PLA2G4D: variants seen among roughly 807,000 people sequenced by gnomAD.
PLA2G4D encodes the protein cytosolic phospholipase A2 delta.
PLA2G4D carries 80 observed loss-of-function variants against 94.4 expected under a neutral mutation model. That is an observed-to-expected ratio of 0.85 (90% CI 0.71 to 1.02). PLA2G4D has a LOEUF of 1.02. PLA2G4D is among the 50% of genes least tolerant of loss of function. The pLI is 0.00. For synonymous variants in PLA2G4D, 438 were observed against 440.9 expected (o/e 0.99, Z 0.08); for missense variants, 1,050 against 1,034.7 (o/e 1.01, Z -0.20).
In PLA2G4D at chr15:42,085,543, G is replaced by A; in HGVS notation, c.388-12C>T. Reference sequence around the variant, plus strand: ...AGCTCCTCCTCTCCCTGAAATCAGAGAGCATGAGCAAGTCATCAGCACATA... The same window carrying A: ...AGCTCCTCCTCTCCCTGAAATCAGAAAGCATGAGCAAGTCATCAGCACATA... On this transcript the variant is annotated splice_polypyrimidine_tract_variant and intron_variant, in intron 4 of 19. Coordinates refer to ENST00000290472, the MANE Select transcript of PLA2G4D (RefSeq NM_178034.4). 6.2e-7 allele frequency: 1 copy of A among 1,613,060 alleles called. No individual in the cohort carries two copies. Among genetic ancestry groups the A allele is most frequent in the Non-Finnish European group, 8.5e-7 (1 of 1,179,030 alleles).
intron 8 of PLA2G4D, among the ~76,000 whole-genome samples, chr15:42,082,779 G>C (rs973113489): frequency 6.6e-6 from 1 of 152,136 alleles, no homozygotes; most frequent in African/African-American, 2.4e-5. Flanking sequence ...GGAGGAGGAG[G>C]CAGCCTTGGA....
rs777490635 is a variant in PLA2G4D, at chr15:42,082,323, A to G, written c.739T>C (p.Leu247=). The G allele has an allele frequency of 3.1e-6, 5 of 1,614,142 alleles. No individual in the cohort carries two copies. Among genetic ancestry groups the G allele is most frequent in the African/African-American group, 1.3e-5 (1 of 75,060 alleles). ...ATAGTCACCTCCTTCCCAATGGTCA[A>G]GGGCCTCAGGGGCACAGTGAGGTAC... ...AGYLTVPLRP[L]TIGKEVTMDV... The change falls in exon 9 of 20, where the codon TTG becomes CTG. Residue 247 remains leucine (L), a synonymous_variant. Coordinates refer to ENST00000290472, the MANE Select transcript of PLA2G4D (RefSeq NM_178034.4).
rs751084346 is a variant in PLA2G4D, at chr15:42,079,584, AG to A, written c.1269del (p.Phe424LeufsTer7). 3.7e-6 allele frequency: 6 copies of A among 1,607,976 alleles called. No homozygotes were observed. Among genetic ancestry groups the A allele is most frequent in the Non-Finnish European group, 5.1e-6 (6 of 1,178,464 alleles). On this transcript the variant is annotated frameshift_variant, in exon 13 of 20. Transcript: ENST00000290472. LOFTEE classifies it high-confidence loss of function. ...AGCACTAGCGCCCACAGGTCCACAA[AG>A]GTCGTGGGGTGGCCCTGCTCAGCCC... ...ELRAEQGHPT[T>X]FVDLWALVLE...
chr15:42,087,225 T>G (rs1274684257), intron 3 of PLA2G4D, 75 bp downstream of exon 3: 5 of 1,585,708 alleles, frequency 3.2e-6, no homozygotes, highest in African/African-American at 1.3e-5. Context: ...AGAGGAAGCA[T>G]GCTCTACCCC....
rs1235278974 is a variant in PLA2G4D, at chr15:42,070,089, G to A, written c.2050C>T (p.Gln684Ter). 4.6e-6 allele frequency: 7 copies of A among 1,509,842 alleles called. No homozygotes were observed. The East Asian group carries it at 1.9e-4, about 41-fold the overall frequency. The allele number at this position is 1,509,842 out of a possible 1,614,324, so 93.5% of individuals were successfully genotyped here. A position where few individuals can be genotyped will look rare whatever the true frequency, so the allele number is the denominator to read the frequency against. The part of the protein sequence containing the change: ...YSLSAPFEAL[Q>*]QTELYCRARG... ...GCCCGGCAGTACAGCTCCGTCTGCTGCAGTGCCTGGTGGGGAGAAGGTGGC... is the reference window on the plus strand; with the variant it reads ...GCCCGGCAGTACAGCTCCGTCTGCTACAGTGCCTGGTGGGGAGAAGGTGGC... The change falls in exon 19 of 20, where the codon CAG becomes TAG. Residue 684 changes from glutamine (Q) to a stop codon, truncating the protein, a stop_gained. Coordinates refer to ENST00000290472, the MANE Select transcript of PLA2G4D (RefSeq NM_178034.4). LOFTEE classifies it high-confidence loss of function.
intron 3 of PLA2G4D, among the ~76,000 whole-genome samples, chr15:42,086,990 T>G (rs1202689649): frequency 6.6e-6 from 1 of 152,196 alleles, no homozygotes; most frequent in East Asian, 1.9e-4. Context: ...TTTCACGGTC[T>G]TCCACGCATT....
At position 42,068,615 on chromosome 15, in the gene PLA2G4D, G is replaced by A. The variant is rs1595588203; in HGVS notation, c.*100C>T. On this transcript the variant is annotated 3_prime_UTR_variant, in exon 20 of 20. Transcript: ENST00000290472. ...AGCTACAGAGGCCACCCAGGCCTGG[G>A]AGAGCCCAGAACTCCAACCAGGAAG... is the stretch of plus-strand genomic sequence containing the variant. 4.3e-6 allele frequency: 5 copies of A among 1,169,934 alleles called. No homozygotes were observed. The highest frequency in any genetic ancestry group is 5.1e-5 in the East Asian group (2 of 38,954). 72.5% of individuals were successfully genotyped at this position (1,169,934 alleles called of 1,614,324 possible).
Position 42,079,541 on chromosome 15 carries a change from C to G in PLA2G4D, c.1313G>C (p.Gly438Ala). 6.3e-7 allele frequency: 1 copy of G among 1,599,566 alleles called. No homozygotes were observed. The highest frequency in any genetic ancestry group is 8.5e-7 in the Non-Finnish European group (1 of 1,176,436). ...WALVLESMLH[G>A]QVMDQKLSGQ... ...CCACGTGCGCAGGCGCCCTACCTGG[C>G]CGTGCAGCATGGACTCCAGCACTAG... The change falls in exon 13 of 20, where the codon GGC becomes GCC. Residue 438 changes from glycine to alanine, a missense_variant. Gly to Ala is a moderately conservative substitution (Grantham distance 60). Coordinates refer to ENST00000290472, the MANE Select transcript of PLA2G4D (RefSeq NM_178034.4).
intron 13 of PLA2G4D, among the ~76,000 whole-genome samples, chr15:42,075,932 G>A (rs1260024217): frequency 1.4e-5 from 2 of 147,456 alleles, no homozygotes; most frequent in African/African-American, 2.5e-5. Context: ...GGGAGGGGAG[G>A]GGAGAGGAAG....
Position 42,086,194 on chromosome 15 carries a change from T to TTCTCCCCCCCCCCCCCCCCCC in PLA2G4D, c.387+18_387+19insGGGGGGGGGGGGGGGGGGAGA. 1 of 1,370,444 alleles carries TTCTCCCCCCCCCCCCCCCCCC rather than the reference T, an allele frequency of 7.3e-7. No individual in the cohort carries two copies. 84.9% of individuals were successfully genotyped at this position (1,370,444 alleles called of 1,614,324 possible). ...GGAAGAAGTGGGGCCCACGGGGACT[T>TTCTCCCCCCCCCCCCCCCCCC]CCCCACCCACCCACCCACCTGGGGA... On this transcript the variant is annotated intron_variant, in intron 4 of 19. Coordinates refer to ENST00000290472, the MANE Select transcript of PLA2G4D (RefSeq NM_178034.4).
Position 42,072,631 on chromosome 15 carries a change from C to T in PLA2G4D, c.1318-239G>A, listed in dbSNP as rs111638516. ...GTGTACTATGAATCTCCAGCGAGGG[C>T]CATTCATAGGGACCACAATGCCAGC... On this transcript the variant is annotated intron_variant, in intron 13 of 19. Transcript: ENST00000290472. Among the ~76,000 whole-genome samples the T allele has an allele frequency of 2.7e-3, 414 of 152,254 alleles. 4 individuals are homozygous for T. The highest frequency in any genetic ancestry group is 9.4e-3 in the African/African-American group (391 of 41,546).
chr15:42,093,804 C>T (rs17748132), intron 1 of PLA2G4D, among the ~76,000 whole-genome samples: 11,248 of 152,288 alleles, frequency 0.074, 547 homozygotes, highest in Middle Eastern at 0.14. Context: ...TAGCCTCATT[C>T]CTGGCCACCA....
chr15:42,091,621 C>A (rs921766907), intron 1 of PLA2G4D, among the ~76,000 whole-genome samples: 5 of 152,210 alleles, frequency 3.3e-5, no homozygotes, highest in Admixed American at 2.6e-4. Context: ...GACTCTACTC[C>A]TCCACCTCTC....
chr15:42,080,989 A>T lies in PLA2G4D; in HGVS notation c.1094+8T>A, dbSNP rs776226138. On this transcript the variant is annotated splice_region_variant and intron_variant, in intron 12 of 19. Coordinates refer to ENST00000290472, the MANE Select transcript of PLA2G4D (RefSeq NM_178034.4). ...TGTCTCTGCCACCCAGTCCCCCAGG[A>T]TCCTCACCACGTAGAGCCAGAGATG... 25 of 1,613,078 alleles carry T rather than the reference A, an allele frequency of 1.5e-5. No individual in the cohort carries two copies. Among genetic ancestry groups the T allele is most frequent in the Non-Finnish European group, 2.1e-5 (25 of 1,179,494 alleles).
intron 4 of PLA2G4D, among the ~76,000 whole-genome samples, chr15:42,085,888 C>G (rs1194406371): frequency 6.6e-6 from 1 of 152,226 alleles, no homozygotes; most frequent in East Asian, 1.9e-4. Context: ...CGTCCCCACC[C>G]CCAGGCTGCA....
rs117299636 is a variant in PLA2G4D, at chr15:42,082,894, C to T, written c.672+304G>A. On this transcript the variant is annotated intron_variant, in intron 8 of 19. Transcript: ENST00000290472. ...GGGGGGAGTGTGGAACAAAATGAGG[C>T]GGCAGAGGTGGACGGGTGCCAGGCT... Among the ~76,000 whole-genome samples the T allele has an allele frequency of 2.7e-3, 415 of 152,190 alleles. 7 individuals carry two copies. In the East Asian group the frequency reaches 0.072, roughly 26 times the overall value.
At chr15:42,069,036 C>A in intron 19 of PLA2G4D, 95 bp from the exon 20 acceptor site, 1 of 1,038,734 alleles carries the variant, frequency 9.6e-7, no homozygotes, top group Non-Finnish European at 1.4e-6. Flanking sequence ...CTGGAGGGGC[C>A]CCTGCTTTCC....
At chr15:42,076,335 T>C (rs1162511353) in intron 13 of PLA2G4D, among the ~76,000 whole-genome samples, 2 of 152,084 alleles carry the variant, frequency 1.3e-5, no homozygotes, top group Non-Finnish European at 2.9e-5. Flanking sequence ...TAGTAAGAAA[T>C]AAATCTTTAA....
chr15:42,082,100 T>G (rs1890049688), intron 9 of PLA2G4D, among the ~76,000 whole-genome samples, 179 bp downstream of exon 9: 1 of 151,976 alleles, frequency 6.6e-6, no homozygotes, highest in Non-Finnish European at 1.5e-5. Flanking sequence ...CCCGGCTAAT[T>G]TTTGCATTTT....
Sources: gnomAD v4.1 joint callset for allele counts (sites outside exome capture counted in the v4.1 genomes callset) on GRCh38, gnomAD v4.1.1 for gene constraint, MANE v1.5 for transcripts, NCBI Gene and HGNC (gene_info 2026-07-23, HGNC 2026-07-21) for gene names.